Variants in SPATA16 observed in about 807,000 individuals in gnomAD.
The protein encoded by SPATA16 is spermatogenesis-associated protein 16.
Under a neutral mutation model 63.3 loss-of-function variants are expected in SPATA16, and 36 were observed. That is an observed-to-expected ratio of 0.57 (90% CI 0.44 to 0.75). The LOEUF is 0.75. SPATA16 is among the 30% of genes least tolerant of loss of function. SPATA16 has a pLI of 0.00. For synonymous variants in SPATA16, 203 were observed against 216.7 expected, an observed-to-expected ratio of 0.94 and a Z score of 0.56; for missense variants, 646 against 679.3, an observed-to-expected ratio of 0.95 and a Z score of 0.54.
At chr3:173,108,309 T>A (rs1045007475) in intron 2 of SPATA16, among the ~76,000 whole-genome samples, 1 of 152,182 alleles carries the variant, frequency 6.6e-6, no homozygotes, top group Non-Finnish European at 1.5e-5. Flanking sequence ...TGAGATTATG[T>A]TCAGTATAAA....
chr3:172,933,225 C>T (rs1732909339), intron 6 of SPATA16, among the ~76,000 whole-genome samples: 1 of 152,158 alleles, frequency 6.6e-6, no homozygotes, highest in Non-Finnish European at 1.5e-5. Context: ...TGTCTTCTTG[C>T]ACTGTATGAG....
At chr3:173,138,414 C>G (rs902011445) in intron 1 of SPATA16, among the ~76,000 whole-genome samples, 4 of 152,128 alleles carry the variant, frequency 2.6e-5, no homozygotes, top group Non-Finnish European at 5.9e-5. Flanking sequence ...ATTTTCAACT[C>G]TATATTTTCA....
intron 5 of SPATA16, among the ~76,000 whole-genome samples, chr3:172,962,470 T>C (rs550041987): frequency 2.0e-5 from 3 of 152,140 alleles, no homozygotes; most frequent in Non-Finnish European, 4.4e-5. Flanking sequence ...AACATACCAA[T>C]ACTAATAAAT....
chr3:173,093,076 C>CACACACACACAT (rs372317726), intron 2 of SPATA16, among the ~76,000 whole-genome samples: 215 of 144,040 alleles, frequency 1.5e-3, no homozygotes, highest in Middle Eastern at 3.5e-3. Context: ...CACACACACA[C>CACACACACACAT]ATATATATAT....
chr3:173,013,511 CACT>C (rs1436056627), intron 4 of SPATA16, among the ~76,000 whole-genome samples: 1 of 152,212 alleles, frequency 6.6e-6, no homozygotes, highest in Non-Finnish European at 1.5e-5. Context: ...CTTTTATACA[CACT>C]TTACAAAAGG....
At chr3:172,906,693 C>T (rs759223999) in intron 10 of SPATA16, among the ~76,000 whole-genome samples, 13 of 152,288 alleles carry the variant, frequency 8.5e-5, no homozygotes, top group African/African-American at 2.4e-4. Context: ...CATTTACTGG[C>T]TGTGTGACTT....
At chr3:173,066,398 T>C (rs942950915) in intron 2 of SPATA16, among the ~76,000 whole-genome samples, 1 of 152,158 alleles carries the variant, frequency 6.6e-6, no homozygotes, top group Admixed American at 6.5e-5. Flanking sequence ...CCACACAGTG[T>C]CAGCTATGAT....
At chr3:173,122,845 T>C (rs927160889) in intron 1 of SPATA16, among the ~76,000 whole-genome samples, 1 of 152,184 alleles carries the variant, frequency 6.6e-6, no homozygotes, top group African/African-American at 2.4e-5. Flanking sequence ...CAATCCTTTT[T>C]CTATATTGAT....
chr3:173,064,127 G>A (rs926603254), intron 2 of SPATA16, among the ~76,000 whole-genome samples: 3 of 152,026 alleles, frequency 2.0e-5, no homozygotes, highest in African/African-American at 7.2e-5. Flanking sequence ...CCAACATGGT[G>A]AAACACTGTC....
rs1733392920 is a variant in SPATA16 at position 172,950,052 on chromosome 3, T to C, written c.1081+6625A>G. ...CTTGAGAGGCTGCAGGAAAAATTTA[T>C]ATTACTTCCACTTATTTTTGGATTA... On this transcript the variant is annotated intron_variant, in intron 6 of 10. Transcript: ENST00000351008. 1.3e-5 allele frequency among the ~76,000 whole-genome samples: 2 copies of C among 152,224 alleles called. 1 individual carries two copies.
Position 173,117,325 on chromosome 3 carries a change from C to T in SPATA16, c.407G>A (p.Arg136His), listed in dbSNP as rs185789602. ...CATGAAGGACTCTACAAACTCATAG[C>T]GAACACCCATTTCATCAATGTAGAC... is the stretch of plus-strand genomic sequence containing the variant. ...KLVYIDEMGVRYEFVESFMST... is the reference protein window; with the variant it reads ...KLVYIDEMGVHYEFVESFMST... The change falls in exon 2 of 11, where the codon CGC becomes CAC. Residue 136 changes from arginine to histidine, a missense_variant. Transcript: ENST00000351008. 13 of 1,614,130 alleles carry T rather than the reference C, an allele frequency of 8.1e-6. No homozygotes were observed. In the Admixed American group the frequency reaches 1.5e-4, roughly 19 times the overall value.
intron 4 of SPATA16, among the ~76,000 whole-genome samples, chr3:172,988,826 C>G (rs946227014): frequency 6.6e-6 from 1 of 152,034 alleles, no homozygotes; most frequent in Non-Finnish European, 1.5e-5. Flanking sequence ...TTAGTAGAGA[C>G]GGGGTTTCAC....
At chr3:173,131,926 C>T (rs568099660) in intron 1 of SPATA16, among the ~76,000 whole-genome samples, 146 of 151,920 alleles carry the variant, frequency 9.6e-4, no homozygotes, top group Non-Finnish European at 1.7e-3. Flanking sequence ...AAGGGAAAAT[C>T]ATTAAGTATG....
At chr3:172,913,608 T>C in intron 10 of SPATA16, 53 bp downstream of exon 10, 3 of 1,560,430 alleles carry the variant, frequency 1.9e-6, no homozygotes. Context: ...TGACCCAAAA[T>C]GGACATTTTC....
At chr3:173,133,076 C>T (rs886068936) in intron 1 of SPATA16, among the ~76,000 whole-genome samples, 1 of 152,138 alleles carries the variant, frequency 6.6e-6, no homozygotes, top group Non-Finnish European at 1.5e-5. Flanking sequence ...GATGGCTCAA[C>T]TAATAATCAG....
chr3:173,038,509 C>G (rs1735766384), intron 3 of SPATA16, among the ~76,000 whole-genome samples: 1 of 152,000 alleles, frequency 6.6e-6, no homozygotes, highest in African/African-American at 2.4e-5. Flanking sequence ...CATCAGCTCT[C>G]TATGTTTCCC....
At chr3:173,096,437 C>A (rs761911035) in intron 2 of SPATA16, among the ~76,000 whole-genome samples, 1 of 151,848 alleles carries the variant, frequency 6.6e-6, no homozygotes, top group Non-Finnish European at 1.5e-5. Flanking sequence ...ATGGAAATAC[C>A]CAGAAAAGCA....
chr3:173,040,609 G>C (rs1388147917), intron 3 of SPATA16, among the ~76,000 whole-genome samples: 1 of 152,146 alleles, frequency 6.6e-6, no homozygotes, highest in African/African-American at 2.4e-5. Flanking sequence ...ATTTCTCAAT[G>C]CTACCATAAC....
At chr3:172,968,486 G>A (rs1279173765) in intron 5 of SPATA16, among the ~76,000 whole-genome samples, 1 of 152,166 alleles carries the variant, frequency 6.6e-6, no homozygotes, top group African/African-American at 2.4e-5. Context: ...AGAGAGGAAT[G>A]GGGTAGTAAA....
Sources: gnomAD v4.1 joint callset for allele counts (sites outside exome capture counted in the v4.1 genomes callset) on GRCh38, gnomAD v4.1.1 for gene constraint, MANE v1.5 for transcripts, NCBI Gene and HGNC (gene_info 2026-07-23, HGNC 2026-07-21) for gene names.